WHAMM: variants seen among roughly 807,000 people sequenced by gnomAD.
The protein encoded by WHAMM is WASP homolog associated with actin, golgi membranes and microtubules, also known as WASP homolog-associated protein with actin, membranes and microtubules.
WHAMM carries 67 observed loss-of-function variants against 76.5 expected under a neutral mutation model. The ratio of observed to expected loss-of-function variants is 0.88; its 90% CI spans 0.72 to 1.07. The LOEUF (loss-of-function observed/expected upper bound fraction) is 1.07. WHAMM is among the 50% of genes least tolerant of loss of function. The pLI is 0.00. For synonymous variants in WHAMM, 419 were observed against 422.1 expected, an observed-to-expected ratio of 0.99 and a Z score of 0.09; for missense variants, 1,021 against 1,051.1, an observed-to-expected ratio of 0.97 and a Z score of 0.40.
chr15:82,829,659 G>GGTGT (rs141826796), intron 8 of WHAMM, among the ~76,000 whole-genome samples: 1 of 151,254 alleles, frequency 6.6e-6, no homozygotes, highest in Non-Finnish European at 1.5e-5. Flanking sequence ...GATTGCATGG[G>GGTGT]GTGTGTGTGT....
chr15:82,827,802 G>A (rs1400425979), intron 8 of WHAMM, among the ~76,000 whole-genome samples: 16 of 152,054 alleles, frequency 1.1e-4, no homozygotes, highest in East Asian at 1.9e-4. Context: ...AAAATTAGCC[G>A]GGCATGGTGG....
chr15:82,809,987 C>T lies in WHAMM; in HGVS notation c.261C>T (p.Leu87=). The T allele has an allele frequency of 7.8e-7, 1 of 1,281,280 alleles. No homozygotes were observed. The highest frequency in any genetic ancestry group is 2.6e-5 in the South Asian group (1 of 38,190). 79.4% of individuals were successfully genotyped at this position (1,281,280 alleles called of 1,614,324 possible). A position where few individuals can be genotyped will look rare whatever the true frequency, so the allele number is the denominator to read the frequency against. The part of the protein sequence containing the change: ...SWAGLLSAAG[L]RGAHRQLAAL... ...CCGGCCTGCTCTCGGCCGCGGGGCTCCGCGGCGCGCACCGGCAGTTGGCGG... is the reference window on the plus strand; with the variant it reads ...CCGGCCTGCTCTCGGCCGCGGGGCTTCGCGGCGCGCACCGGCAGTTGGCGG... The change falls in exon 1 of 10, where the codon CTC becomes CTT. Residue 87 remains leucine (L), a synonymous_variant. Coordinates refer to ENST00000286760, the MANE Select transcript of WHAMM (RefSeq NM_001080435.3).
chr15:82,833,498 G>T lies in WHAMM; in HGVS notation c.2392G>T (p.Asp798Tyr). 6.2e-7 allele frequency: 1 copy of T among 1,613,790 alleles called. No homozygotes were observed. Among genetic ancestry groups the T allele is most frequent in the African/African-American group, 1.3e-5 (1 of 75,044 alleles). ...IKRVSADSEEDSDEQDPGQWD... is the reference protein window; with the variant it reads ...IKRVSADSEEYSDEQDPGQWD... ...GAGGGTGTCTGCTGACTCTGAGGAG[G>T]ACAGTGATGAGCAGGACCCTGGCCA... Residue 798 changes from aspartate (D) to tyrosine (Y), a missense_variant, in exon 10 of 10, where the codon GAC (aspartate) becomes TAC (tyrosine). By Grantham distance (160) the Asp-to-Tyr change is radical. This residue lies in a region of WHAMM where 509 missense variants were observed against 492.3 expected (regional missense o/e 1.03). Coordinates refer to ENST00000286760, the MANE Select transcript of WHAMM (RefSeq NM_001080435.3).
intron 5 of WHAMM, 91 bp from the exon 6 acceptor site, chr15:82,823,009 A>G: frequency 9.0e-7 from 1 of 1,115,912 alleles, no homozygotes; most frequent in South Asian, 3.0e-5. Context: ...TGGGATTACA[A>G]GTGATCTTTA....
rs2051078624 is a variant in WHAMM at position 82,833,698 on chromosome 15, T to C, written c.*162T>C. ...AGGCTGCTGCAGCATTTTTTTTTTT[T>C]TTCTTTTTTGAGATGGAGTCTCACT... On this transcript the variant is annotated 3_prime_UTR_variant, in exon 10 of 10. Transcript: ENST00000286760. 1.1e-5 allele frequency: 9 copies of C among 812,534 alleles called. No individual in the cohort carries two copies. In the East Asian group the frequency reaches 2.4e-4, roughly 22 times the overall value. 50.3% of individuals were successfully genotyped at this position (812,534 alleles called of 1,614,324 possible).
At chr15:82,827,915 A>G in intron 8 of WHAMM, among the ~76,000 whole-genome samples, 1 of 152,222 alleles carries the variant, frequency 6.6e-6, no homozygotes, top group Admixed American at 6.5e-5. Flanking sequence ...ACTGCACTCC[A>G]GCCTGAACAA....
chr15:82,809,922 G>C lies in WHAMM; in HGVS notation c.196G>C (p.Glu66Gln). The change falls in exon 1 of 10, where the codon GAG (glutamate) becomes CAG (glutamine). Residue 66 changes from glutamate to glutamine, a missense_variant. Physicochemically the swap from Glu to Gln is conservative, Grantham distance 29. Around this residue, in one of 3 missense-constraint regions of WHAMM, gnomAD observed 501 missense variants for 524.9 expected, o/e 0.95. Transcript: ENST00000286760. The part of the protein sequence containing the change: ...REGARLGPEP[E>Q]PKPEAAVSPS... ...GGGGGCCCGGTTGGGGCCCGAGCCC[G>C]AGCCCAAGCCTGAGGCCGCCGTCTC... 6.6e-7 allele frequency: 1 copy of C among 1,509,892 alleles called. No homozygotes were observed. The allele number at this position is 1,509,892 out of a possible 1,614,324, so 93.5% of individuals were successfully genotyped here.
chr15:82,830,895 A>ACCACCACCG lies in WHAMM; in HGVS notation c.1941_1949dup (p.Pro656_Pro658dup). On this transcript the variant is annotated inframe_insertion, in exon 9 of 10. Transcript: ENST00000286760. ...TGCCACCACCTCCTCCTCCTCCACC[A>ACCACCACCG]CCACCACCGCCGCCACCGCCGCCCC... is the stretch of plus-strand genomic sequence containing the variant. The ACCACCACCG allele has an allele frequency of 6.6e-7, 1 of 1,524,530 alleles. No homozygotes were observed. Among genetic ancestry groups the ACCACCACCG allele is most frequent in the Non-Finnish European group, 8.9e-7 (1 of 1,127,540 alleles). 94.4% of individuals were successfully genotyped at this position (1,524,530 alleles called of 1,614,324 possible). A position where few individuals can be genotyped will look rare whatever the true frequency, so the allele number is the denominator to read the frequency against.
rs2050939221 is a variant in WHAMM, at chr15:82,826,627, G to C, written c.1546-124G>C. 5.1e-6 allele frequency: 8 copies of C among 1,573,784 alleles called. No individual in the cohort carries two copies. The East Asian group carries it at 1.8e-4, about 36-fold the overall frequency. Reference sequence around the variant, plus strand: ...CATTAGCCTCCAGGTCTGCAGCCTGGGCGCAGCCTTGGGGTGGTAATGTTG... The same window carrying C: ...CATTAGCCTCCAGGTCTGCAGCCTGCGCGCAGCCTTGGGGTGGTAATGTTG... On this transcript the variant is annotated intron_variant, in intron 7 of 9. Transcript: ENST00000286760.
chr15:82,817,357 G>A (rs2151561038), intron 3 of WHAMM, among the ~76,000 whole-genome samples: 1 of 152,260 alleles, frequency 6.6e-6, no homozygotes, highest in East Asian at 1.9e-4. Flanking sequence ...GACAGGCAGG[G>A]GTCAGACCAT....
At chr15:82,826,695 C>G in intron 7 of WHAMM, 56 bp from the exon 8 acceptor site, 1 of 1,530,704 alleles carries the variant, frequency 6.5e-7, no homozygotes, top group African/African-American at 1.4e-5. Context: ...TATTGTATGC[C>G]AAGACATTTT....
Position 82,830,973 on chromosome 15 carries a change from G to C in WHAMM, c.2016G>C (p.Gln672His), listed in dbSNP as rs757217502. 2 of 1,452,596 alleles carry C rather than the reference G, an allele frequency of 1.4e-6. No homozygotes were observed. Among genetic ancestry groups the C allele is most frequent in the South Asian group, 2.3e-5 (2 of 88,760 alleles). The allele number at this position is 1,452,596 out of a possible 1,614,324, so 90.0% of individuals were successfully genotyped here. A position where few individuals can be genotyped will look rare whatever the true frequency, so the allele number is the denominator to read the frequency against. Reference protein sequence around the residue: ...LSSSSQAATHQNLGFRAPVKD... With the variant: ...LSSSSQAATHHNLGFRAPVKD... Reference sequence around the variant, plus strand: ...CATCCTCTCAAGCTGCAACTCATCAGAACTTAGGCTTCCGGGCTCCAGTGA... The same window carrying C: ...CATCCTCTCAAGCTGCAACTCATCACAACTTAGGCTTCCGGGCTCCAGTGA... The change falls in exon 9 of 10, where the codon CAG becomes CAC. Residue 672 changes from glutamine to histidine, a missense_variant. Gln to His is a conservative substitution (Grantham distance 24). Transcript: ENST00000286760.
Position 82,809,721 on chromosome 15 carries a change from A to G in WHAMM, c.-6A>G. 6.8e-7 allele frequency: 1 copy of G among 1,466,134 alleles called. No homozygotes were observed. Among genetic ancestry groups the G allele is most frequent in the Non-Finnish European group, 9.1e-7 (1 of 1,104,692 alleles). 90.8% of individuals were successfully genotyped at this position (1,466,134 alleles called of 1,614,324 possible). ...CCGAGCCCTAGGGCCGCTGCTGCCG[A>G]CAGCCATGGAGGACGAGCAGCCTGA... is the stretch of plus-strand genomic sequence containing the variant. On this transcript the variant is annotated 5_prime_UTR_variant, in exon 1 of 10. Transcript: ENST00000286760.
chr15:82,815,459 A>G (rs1391934058), intron 2 of WHAMM, among the ~76,000 whole-genome samples: 1 of 152,022 alleles, frequency 6.6e-6, no homozygotes, highest in East Asian at 1.9e-4. Context: ...ATTACATTTT[A>G]TTTATCAGTT....
In WHAMM at chr15:82,818,748, G is replaced by T. The variant is rs1241141520; in HGVS notation, c.1105-575G>T. Among the ~76,000 whole-genome samples the T allele has an allele frequency of 3.3e-5, 5 of 152,326 alleles. No individual in the cohort carries two copies. The East Asian group carries it at 9.7e-4, about 29-fold the overall frequency. On this transcript the variant is annotated intron_variant, in intron 4 of 9. Transcript: ENST00000286760. ...CAAGATTAAATATCACAGATTGGGTGGCTTAAACAACGGACATGTATTTCT... is the reference window on the plus strand; with the variant it reads ...CAAGATTAAATATCACAGATTGGGTTGCTTAAACAACGGACATGTATTTCT...
rs772637069 is a variant in WHAMM, at chr15:82,834,899, G to A, written c.*1363G>A. ...AGTGTTATTTTCCTCAGGAACTGAA[G>A]TCTCATGCTGAAGTATTTTCTCCTT... On this transcript the variant is annotated 3_prime_UTR_variant, in exon 10 of 10. Coordinates refer to ENST00000286760, the MANE Select transcript of WHAMM (RefSeq NM_001080435.3). 6.6e-6 allele frequency: 1 copy of A among 151,906 alleles called. No homozygotes were observed. The highest frequency in any genetic ancestry group is 1.5e-5 in the Non-Finnish European group (1 of 68,032). 9.4% of individuals were successfully genotyped at this position (151,906 alleles called of 1,614,324 possible).
At chr15:82,833,085 T>TAATC in intron 9 of WHAMM, 144 bp from the exon 10 acceptor site, 2 of 986,048 alleles carry the variant, frequency 2.0e-6, no homozygotes, top group Non-Finnish European at 2.9e-6. Context: ...CGTTAGCACG[T>TAATC]AATCAAGGCA....
intron 5 of WHAMM, among the ~76,000 whole-genome samples, chr15:82,821,286 C>T (rs1312925276): frequency 3.3e-5 from 5 of 152,072 alleles, no homozygotes; most frequent in African/African-American, 9.7e-5. Flanking sequence ...CCCATGGCTT[C>T]TGCTTTTAGT....
At chr15:82,817,184 T>G (rs1344147095) in intron 3 of WHAMM, among the ~76,000 whole-genome samples, 1 of 151,954 alleles carries the variant, frequency 6.6e-6, no homozygotes, top group Non-Finnish European at 1.5e-5. Context: ...TAAATGGAAG[T>G]TGAGAGAAAA....
Sources: gnomAD v4.1 joint callset for allele counts (sites outside exome capture counted in the v4.1 genomes callset) on GRCh38, gnomAD v4.1.1 for gene constraint, gnomAD v4.1.1 regional missense constraint, MANE v1.5 for transcripts, NCBI Gene and HGNC (gene_info 2026-07-23, HGNC 2026-07-21) for gene names.